Variants in MYO1B observed in about 807,000 individuals in gnomAD.
The protein encoded by MYO1B is unconventional myosin-Ib.
A neutral mutation model predicts 159.7 loss-of-function variants in MYO1B; 72 were observed. The observed-to-expected ratio is 0.45, with a 90% CI of 0.37 to 0.55. The LOEUF (loss-of-function observed/expected upper bound fraction) is 0.55, where lower values mean the gene tolerates loss of function less well. Ranked by LOEUF, MYO1B falls within the 20% of genes least tolerant of loss-of-function variation. The pLI, the probability that MYO1B is intolerant of heterozygous loss-of-function variation, is 0.00. For synonymous variants in MYO1B, 468 were observed against 473.8 expected (o/e 0.99, Z 0.16); for missense variants, 1,062 against 1,364.8 (o/e 0.78, Z 3.50).
chr2:191,330,545 G>C (rs1426157257), intron 4 of MYO1B, among the ~76,000 whole-genome samples: 1 of 152,146 alleles, frequency 6.6e-6, no homozygotes, highest in Non-Finnish European at 1.5e-5. Context: ...CCAAATGGAA[G>C]GGTTATGCTT....
At position 191,360,662 on chromosome 2, in the gene MYO1B, G is replaced by A; in HGVS notation, c.594G>A (p.Gln198=). The change falls in exon 8 of 31, where the codon CAG becomes CAA. Residue 198 remains glutamine, a synonymous_variant. Transcript: ENST00000392318. ...YLLEKSRVVK[Q]PRGERNFHVF... is the part of the protein sequence containing the mutation. ...TAGAGAAATCTCGGGTTGTTAAACA[G>A]CCAAGAGGTGAAAGAAACTTCCATG... 1 of 1,613,390 alleles carries A rather than the reference G, an allele frequency of 6.2e-7. No homozygotes were observed.
At chr2:191,418,519 C>T (rs1317508164) in intron 30 of MYO1B, among the ~76,000 whole-genome samples, 6 of 91,036 alleles carry the variant, frequency 6.6e-5, no homozygotes, top group African/African-American at 1.7e-4. Context: ...GGCAGAGTTT[C>T]GCTCTTGTTG....
chr2:191,296,087 C>T (rs1688967795), intron 2 of MYO1B, 24 bp from the exon 3 acceptor site: 1 of 1,372,216 alleles, frequency 7.3e-7, no homozygotes, highest in Admixed American at 1.9e-5. Context: ...AACTAATGGG[C>T]ATGTTTTGTT....
At chr2:191,399,255 GGAAGGAGACCGTGGGGAGAGGGAGA>G (rs1228928976) in intron 21 of MYO1B, among the ~76,000 whole-genome samples, 4 of 152,232 alleles carry the variant, frequency 2.6e-5, no homozygotes, top group Admixed American at 6.5e-5. Context: ...GGGAGACCGT[GGAAGGAGACCGTGGGGAGAGGGAGA>G]GGGAGAGGGA....
At chr2:191,301,763 A>C (rs1465084880) in intron 3 of MYO1B, among the ~76,000 whole-genome samples, 1 of 152,228 alleles carries the variant, frequency 6.6e-6, no homozygotes, top group East Asian at 1.9e-4. Flanking sequence ...TTGCAATAGC[A>C]CTGTGACAGT....
rs1368417073 is a variant in MYO1B at position 191,359,308 on chromosome 2, T to TG, written c.563-1319dup. ...TATCCCACTTGTACTTTTCAACCTT[T>TG]GGGGTTTTTTTTTTTTTTCATGTTT... is the stretch of plus-strand genomic sequence containing the variant. On this transcript the variant is annotated intron_variant, in intron 7 of 30. Coordinates refer to ENST00000392318, the MANE Select transcript of MYO1B (RefSeq NM_001130158.3). 2.0e-4 allele frequency among the ~76,000 whole-genome samples: 14 copies of TG among 70,946 alleles called. No individual in the cohort carries two copies. The South Asian group carries it at 2.1e-3, about 10-fold the overall frequency. The allele number at this position is 70,946 out of a possible 152,430, so 46.5% of individuals were successfully genotyped here.
chr2:191,391,366 C>G (rs964262553), intron 18 of MYO1B, among the ~76,000 whole-genome samples: 1 of 152,164 alleles, frequency 6.6e-6, no homozygotes, highest in African/African-American at 2.4e-5. Flanking sequence ...GGACACTTAC[C>G]TTGTATTATA....
At chr2:191,395,138 A>G (rs561199068) in intron 20 of MYO1B, among the ~76,000 whole-genome samples, 2 of 152,312 alleles carry the variant, frequency 1.3e-5, no homozygotes, top group African/African-American at 4.8e-5. Flanking sequence ...TTTTCAAGAC[A>G]TTTATTAATT....
intron 3 of MYO1B, among the ~76,000 whole-genome samples, chr2:191,314,709 A>C (rs1690234264): frequency 6.6e-6 from 1 of 152,222 alleles, no homozygotes; most frequent in South Asian, 2.1e-4. Flanking sequence ...ACTTTAATTA[A>C]GTTCGTTTTC....
chr2:191,351,460 T>TA (rs1692919873), intron 7 of MYO1B, among the ~76,000 whole-genome samples: 1 of 125,032 alleles, frequency 8.0e-6, no homozygotes, highest in Non-Finnish European at 1.7e-5. Flanking sequence ...TGCAGCTGAT[T>TA]TAAAAAAAAA....
chr2:191,262,301 C>T (rs1686864545), intron 1 of MYO1B, among the ~76,000 whole-genome samples: 1 of 152,128 alleles, frequency 6.6e-6, no homozygotes. Context: ...CCCCCCTCCT[C>T]CCCAGCTGGC....
At chr2:191,341,847 A>G (rs938233296) in intron 5 of MYO1B, among the ~76,000 whole-genome samples, 74 of 152,146 alleles carry the variant, frequency 4.9e-4, no homozygotes, top group African/African-American at 1.8e-3. Flanking sequence ...AAAATAATCA[A>G]CTGATCATTT....
chr2:191,419,287 C>T (rs891589694), intron 30 of MYO1B, among the ~76,000 whole-genome samples: 7 of 151,800 alleles, frequency 4.6e-5, no homozygotes, highest in Non-Finnish European at 1.0e-4. Context: ...GGCGTGATCT[C>T]GGCTCACTGC....
intron 5 of MYO1B, among the ~76,000 whole-genome samples, 163 bp from the exon 6 acceptor site, chr2:191,346,073 A>C (rs879729282): frequency 7.2e-5 from 11 of 152,228 alleles, no homozygotes; most frequent in Non-Finnish European, 1.5e-4. Context: ...CAACTTACTA[A>C]GACTTCTGTT....
chr2:191,332,436 C>G lies in MYO1B; in HGVS notation c.346+2407C>G, dbSNP rs146300657. 5.5e-3 allele frequency among the ~76,000 whole-genome samples: 839 copies of G among 151,896 alleles called. 3 individuals are homozygous for G. Among genetic ancestry groups the G allele is most frequent in the Middle Eastern group, 0.014 (4 of 294 alleles). ...GATGAACAAAATTATTTTAAACTTA[C>G]ATGCAGAATATTGTATTTATTTTTA... On this transcript the variant is annotated intron_variant, in intron 4 of 30. Transcript: ENST00000392318.
intron 3 of MYO1B, among the ~76,000 whole-genome samples, chr2:191,326,459 T>C (rs751157996): frequency 6.6e-6 from 1 of 152,150 alleles, no homozygotes; most frequent in Non-Finnish European, 1.5e-5. Context: ...TATACTGTCC[T>C]TGAGATGGGT....
chr2:191,255,967 C>T (rs1686419210), intron 1 of MYO1B, among the ~76,000 whole-genome samples: 1 of 152,112 alleles, frequency 6.6e-6, no homozygotes, highest in African/African-American at 2.4e-5. Flanking sequence ...GTGAGCAGGG[C>T]CTTCTATGTT....
intron 1 of MYO1B, among the ~76,000 whole-genome samples, chr2:191,253,421 CT>C (rs888191859): frequency 6.6e-6 from 1 of 152,102 alleles, no homozygotes; most frequent in African/African-American, 2.4e-5. Flanking sequence ...GTGCTTTTAC[CT>C]TGTTGTTCTG....
chr2:191,332,432 C>T (rs994244267), intron 4 of MYO1B, among the ~76,000 whole-genome samples: 3 of 151,546 alleles, frequency 2.0e-5, no homozygotes, highest in African/African-American at 7.3e-5. Flanking sequence ...TTATTTTAAA[C>T]TTACATGCAG....
Sources: gnomAD v4.1 joint callset for allele counts (sites outside exome capture counted in the v4.1 genomes callset) on GRCh38, gnomAD v4.1.1 for gene constraint, MANE v1.5 for transcripts, NCBI Gene and HGNC (gene_info 2026-07-23, HGNC 2026-07-21) for gene names.